Variants in ABHD14A observed in about 807,000 individuals in gnomAD.
ABHD14A encodes the protein abhydrolase domain containing 14A.
Under a neutral mutation model 27.0 loss-of-function variants are expected in ABHD14A, and 19 were observed. The observed-to-expected ratio is 0.70, with a 90% CI of 0.49 to 1.03. ABHD14A has a LOEUF of 1.03. Among genes scored for constraint, ABHD14A ranks in the 50% least tolerant of loss-of-function variants. The pLI, the probability that ABHD14A is intolerant of heterozygous loss-of-function variation, is 0.00. For missense variants in ABHD14A, 311 were observed against 344.6 expected (o/e 0.90, Z 0.77); for synonymous variants, 148 against 158.8 (o/e 0.93, Z 0.51).
chr3:51,977,575 G>A (rs1700811519), intron 1 of ABHD14A, among the ~76,000 whole-genome samples: 1 of 152,266 alleles, frequency 6.6e-6, no homozygotes, highest in Admixed American at 6.5e-5. Context: ...GCTGTCATAA[G>A]CGCTTGATGA....
rs768102268 is a variant in ABHD14A, at chr3:51,980,886, G to A, written c.684G>A (p.Glu228=). 1.9e-6 allele frequency: 3 copies of A among 1,614,146 alleles called. No homozygotes were observed. The East Asian group carries it at 6.7e-5, about 36-fold the overall frequency. Residue 228 remains glutamate, a synonymous_variant, in exon 5 of 5, where the codon GAG becomes GAA. Coordinates refer to ENST00000273596, the MANE Select transcript of ABHD14A (RefSeq NM_015407.5). ...AGCTGGACCACATCCTGGCTCGAGAGTCACTGCGGCAGCTCCGCCACCTGC... is the reference window on the plus strand; with the variant it reads ...AGCTGGACCACATCCTGGCTCGAGAATCACTGCGGCAGCTCCGCCACCTGC... The part of the protein sequence containing the change: ...YGELDHILAR[E]SLRQLRHLPN...
chr3:51,978,028 C>G lies in ABHD14A; in HGVS notation c.227C>G (p.Pro76Arg). The G allele has an allele frequency of 6.2e-7, 1 of 1,614,098 alleles. No homozygotes were observed. Among genetic ancestry groups the G allele is most frequent in the Non-Finnish European group, 8.5e-7 (1 of 1,180,030 alleles). The change falls in exon 2 of 5, where the codon CCT (proline) becomes CGT (arginine). Residue 76 changes from proline (P) to arginine (R), a missense_variant. By Grantham distance (103) the Pro-to-Arg change is moderately radical. Transcript: ENST00000273596. ...GTCACAGTCCTGGCTGGTCTCACCC[C>G]TGGCAACTCGCCCATCTTTTACCGC... ...PNVTVLAGLT[P>R]GNSPIFYREV...
At chr3:51,979,270 A>G (rs180986775) in intron 3 of ABHD14A, among the ~76,000 whole-genome samples, 2 of 152,124 alleles carry the variant, frequency 1.3e-5, no homozygotes, top group African/African-American at 2.4e-5. Context: ...TTTGTTGTCA[A>G]CCCTGCAGTG....
rs1700820239 is a variant in ABHD14A at position 51,977,907 on chromosome 3, G to T, written c.106G>T (p.Ala36Ser). Residue 36 changes from alanine (A) to serine (S), a missense_variant, in exon 2 of 5, where the codon GCC becomes TCC. By Grantham distance (99) the Ala-to-Ser change is moderately conservative (BLOSUM62 1). Transcript: ENST00000273596. ...VQTSMSRSQV[A>S]LLGLSLLLML... ...GACCTCCATGAGCCGGTCCCAGGTA[G>T]CCCTGCTGGGCCTGAGTCTGCTGCT... 1 of 1,613,962 alleles carries T rather than the reference G, an allele frequency of 6.2e-7. No homozygotes were observed. Among genetic ancestry groups the T allele is most frequent in the East Asian group, 2.2e-5 (1 of 44,900 alleles).
intron 1 of ABHD14A, among the ~76,000 whole-genome samples, chr3:51,976,457 A>G (rs1337594699): frequency 6.6e-6 from 1 of 152,108 alleles, no homozygotes; most frequent in African/African-American, 2.4e-5. Context: ...CGGGTGAAAC[A>G]CGAGGCCAGC....
rs941742746 is a variant in ABHD14A, at chr3:51,980,409, A to G, written c.414A>G (p.Ala138=). ...TGTTCCTAGGTTTTGGGAACTCGGC[A>G]CCTTCAAAGGAGGCAAGCACAGAGG... ...ALDLPGFGNS[A]PSKEASTEAG... Residue 138 remains alanine (A), a synonymous_variant, in exon 4 of 5, where the codon GCA becomes GCG. Coordinates refer to ENST00000273596, the MANE Select transcript of ABHD14A (RefSeq NM_015407.5). 2 of 1,613,730 alleles carry G rather than the reference A, an allele frequency of 1.2e-6. No individual in the cohort carries two copies. The highest frequency in any genetic ancestry group is 2.7e-5 in the African/African-American group (2 of 74,880).
intron 1 of ABHD14A, 50 bp from the exon 2 acceptor site, chr3:51,977,821 C>T: frequency 1.3e-6 from 2 of 1,540,010 alleles, no homozygotes; most frequent in South Asian, 2.3e-5. Flanking sequence ...ATCCAGGGTC[C>T]TTGTAGGGAC....
Position 51,975,186 on chromosome 3 carries a change from G to C in ABHD14A, c.51G>C (p.Pro17=). Reference sequence around the variant, plus strand: ...GGTTCCGCCTGGGCGGGGCCCGCCCGCTCATCCCGTTGGGCCCGGTGAGTC... The same window carrying C: ...GGTTCCGCCTGGGCGGGGCCCGCCCCCTCATCCCGTTGGGCCCGGTGAGTC... ...GCWFRLGGAR[P]LIPLGPTVVQ... is the part of the protein sequence containing the mutation. Residue 17 remains proline, a synonymous_variant, in exon 1 of 5, where the codon CCG becomes CCC. Coordinates refer to ENST00000273596, the MANE Select transcript of ABHD14A (RefSeq NM_015407.5). 1 of 1,275,372 alleles carries C rather than the reference G, an allele frequency of 7.8e-7. No homozygotes were observed. The highest frequency in any genetic ancestry group is 9.9e-7 in the Non-Finnish European group (1 of 1,010,328). 79.0% of individuals were successfully genotyped at this position (1,275,372 alleles called of 1,614,324 possible).
At position 51,980,487 on chromosome 3, in the gene ABHD14A, T is replaced by G. The variant is rs1393351597; in HGVS notation, c.492T>G (p.Asn164Lys). ...ERALRDLEVQ[N>K]AVLVSPSLSG... ...CGCTGCGGGACCTGGAGGTACAGAA[T>G]GCCGTGTTGGTGAGCCCCTCGCTGA... is the stretch of plus-strand genomic sequence containing the variant. The change falls in exon 4 of 5, where the codon AAT (asparagine) becomes AAG (lysine). Residue 164 changes from asparagine (N) to lysine (K), a missense_variant. Asn to Lys is a moderately conservative substitution (Grantham distance 94). Coordinates refer to ENST00000273596, the MANE Select transcript of ABHD14A (RefSeq NM_015407.5). The G allele has an allele frequency of 1.2e-6, 2 of 1,613,848 alleles. No homozygotes were observed. Among genetic ancestry groups the G allele is most frequent in the Admixed American group, 3.3e-5 (2 of 60,032 alleles).
Position 51,980,969 on chromosome 3 carries a change from C to T in ABHD14A, c.767C>T (p.Pro256Leu), listed in dbSNP as rs200880684. 4 of 1,614,072 alleles carry T rather than the reference C, an allele frequency of 2.5e-6. No homozygotes were observed. The highest frequency in any genetic ancestry group is 2.7e-5 in the African/African-American group (2 of 75,040). The part of the protein sequence containing the change: ...NAGHACYLHK[P>L]QDFHLVLLAF... ...GGCCATGCCTGTTACCTCCACAAGC[C>T]GCAAGACTTCCACCTTGTCCTGCTT... Residue 256 changes from proline (P) to leucine (L), a missense_variant, in exon 5 of 5, where the codon CCG becomes CTG. By Grantham distance (98) the Pro-to-Leu change is moderately conservative. Transcript: ENST00000273596.
Position 51,978,424 on chromosome 3 carries a change from G to T in ABHD14A, c.397+50G>T, listed in dbSNP as rs201743357. On this transcript the variant is annotated intron_variant, in intron 3 of 4. Transcript: ENST00000273596. ...AGGGAAGCCTTAAGTGTGGCTGGGA[G>T]GCAACTGGACCCTAGGGTCTGGACA... 433 of 1,447,716 alleles carry T rather than the reference G, an allele frequency of 3.0e-4. 4 individuals carry two copies. In the East Asian group the frequency reaches 5.4e-3, roughly 18 times the overall value. The allele number at this position is 1,447,716 out of a possible 1,614,324, so 89.7% of individuals were successfully genotyped here.
Position 51,977,895 on chromosome 3 carries a change from C to T in ABHD14A, c.94C>T (p.Arg32Trp), listed in dbSNP as rs145965641. 14 of 1,613,820 alleles carry T rather than the reference C, an allele frequency of 8.7e-6. No individual in the cohort carries two copies. Among genetic ancestry groups the T allele is most frequent in the African/African-American group, 5.3e-5 (4 of 74,946 alleles). Reference protein sequence around the residue: ...GPTVVQTSMSRSQVALLGLSL... With the variant: ...GPTVVQTSMSWSQVALLGLSL... ...GACTGTGGTACAGACCTCCATGAGC[C>T]GGTCCCAGGTAGCCCTGCTGGGCCT... is the stretch of plus-strand genomic sequence containing the variant. The change falls in exon 2 of 5, where the codon CGG becomes TGG. Residue 32 changes from arginine (R) to tryptophan (W), a missense_variant. Physicochemically the swap from Arg to Trp is moderately radical, Grantham distance 101 (BLOSUM62 -3). Coordinates refer to ENST00000273596, the MANE Select transcript of ABHD14A (RefSeq NM_015407.5).
In ABHD14A at chr3:51,977,856, C is replaced by G. The variant is rs1378554395; in HGVS notation, c.70-15C>G. ...CTCAGTTCCAGCCTCTTTTCCCTCT[C>G]CTCTCCCTCTCCAGACTGTGGTACA... is the stretch of plus-strand genomic sequence containing the variant. On this transcript the variant is annotated splice_polypyrimidine_tract_variant and intron_variant, in intron 1 of 4. Coordinates refer to ENST00000273596, the MANE Select transcript of ABHD14A (RefSeq NM_015407.5). The G allele has an allele frequency of 1.9e-6, 3 of 1,603,454 alleles. No individual in the cohort carries two copies. The highest frequency in any genetic ancestry group is 2.6e-6 in the Non-Finnish European group (3 of 1,171,632).
At chr3:51,980,323 C>G in intron 3 of ABHD14A, 70 bp from the exon 4 acceptor site, 1 of 1,462,522 alleles carries the variant, frequency 6.8e-7, no homozygotes, top group Middle Eastern at 1.7e-4. Flanking sequence ...CTTTTTCCCC[C>G]ACTGTGGTGG....
At chr3:51,975,305 A>G in intron 1 of ABHD14A, 101 bp downstream of exon 1, 1 of 1,126,646 alleles carries the variant, frequency 8.9e-7, no homozygotes, top group Non-Finnish European at 1.1e-6. Flanking sequence ...CCGCGGAAGA[A>G]GCAGACGCTG....
At chr3:51,980,677 G>T (rs377621529) in intron 4 of ABHD14A, 49 bp downstream of exon 4, 16 of 1,585,670 alleles carry the variant, frequency 1.0e-5, no homozygotes, top group South Asian at 1.1e-5. Flanking sequence ...CTGTGGCTTG[G>T]GGGGGTTCAG....
chr3:51,981,166 A>C lies in ABHD14A; in HGVS notation c.*148A>C. The C allele has an allele frequency of 1.2e-6, 1 of 819,454 alleles. No individual in the cohort carries two copies. Among genetic ancestry groups the C allele is most frequent in the East Asian group, 2.6e-5 (1 of 38,268 alleles). The allele number at this position is 819,454 out of a possible 1,614,324, so 50.8% of individuals were successfully genotyped here. A position where few individuals can be genotyped will look rare whatever the true frequency, so the allele number is the denominator to read the frequency against. On this transcript the variant is annotated 3_prime_UTR_variant, in exon 5 of 5. Transcript: ENST00000273596. ...ACTCCTCATTTCATCTCACAGACAC[A>C]ATAAAAAAGCATATTTGTCCTGCCT...
In ABHD14A at chr3:51,980,783, G is replaced by A. The variant is rs1284720482; in HGVS notation, c.634-53G>A. 3.8e-6 allele frequency: 6 copies of A among 1,589,092 alleles called. No individual in the cohort carries two copies. In the East Asian group the frequency reaches 1.1e-4, roughly 30 times the overall value. ...GAAGGCTTCCTAGGAAGTGGCTTGG[G>A]GGTCAGAAACTCATCAGGCCCCAAG... On this transcript the variant is annotated intron_variant, in intron 4 of 4. Transcript: ENST00000273596.
Position 51,981,142 on chromosome 3 carries a change from C to T in ABHD14A, c.*124C>T. 3.0e-6 allele frequency: 3 copies of T among 1,000,738 alleles called. No individual in the cohort carries two copies. In the South Asian group the frequency reaches 4.9e-5, roughly 16 times the overall value. The allele number at this position is 1,000,738 out of a possible 1,614,324, so 62.0% of individuals were successfully genotyped here. ...AGGCCAGGGTCAGACCCAGCCAGGA[C>T]TCCTCATTTCATCTCACAGACACAA... On this transcript the variant is annotated 3_prime_UTR_variant, in exon 5 of 5. Coordinates refer to ENST00000273596, the MANE Select transcript of ABHD14A (RefSeq NM_015407.5).
Sources: allele counts gnomAD v4.1 joint callset (sites outside exome capture counted in the v4.1 genomes callset), GRCh38; gene constraint gnomAD v4.1.1; transcripts MANE v1.5; gene names NCBI Gene and HGNC (gene_info 2026-07-23, HGNC 2026-07-21).